The following DPYD variants were observed in gnomAD, a reference collection of about 807,000 sequenced individuals.
DPYD encodes the protein dihydropyrimidine dehydrogenase, also known as dihydropyrimidine dehydrogenase [NADP(+)].
Under a neutral mutation model 116.2 loss-of-function variants are expected in DPYD, and 109 were observed. The observed-to-expected ratio is 0.94, with a 90% CI of 0.80 to 1.10. DPYD has a LOEUF of 1.10. Among genes scored for constraint, DPYD ranks in the 50% least tolerant of loss-of-function variants. The probability of loss-of-function intolerance (pLI) is 0.00; values close to 1 mark genes in which losing one functional copy is unlikely to be tolerated. For missense variants in DPYD, 1,302 were observed against 1,254.5 expected (o/e 1.04, Z -0.57); for synonymous variants, 440 against 432.0 (o/e 1.02, Z -0.23).
At chr1:97,919,276 G>A (rs2101724239) in intron 1 of DPYD, among the ~76,000 whole-genome samples, 1 of 152,316 alleles carries the variant, frequency 6.6e-6, no homozygotes, top group South Asian at 2.1e-4. Flanking sequence ...AGTAATATTA[G>A]GCAAACTGGC....
chr1:97,920,919 C>A lies in DPYD; in HGVS notation c.4G>T (p.Ala2Ser), dbSNP rs1232582100. Residue 2 changes from alanine (A) to serine (S), a missense_variant, in exon 1 of 23, where the codon GCC becomes TCC. Physicochemically the swap from Ala to Ser is moderately conservative, Grantham distance 99. Transcript: ENST00000370192. M[A>S]PVLSKDSADI... The stretch of plus-strand genomic sequence containing the variant: ...GCCGAGTCCTTACTGAGCACAGGGG[C>A]CATGGCAGTGCCTACAGTCTCGAGT... The A allele has an allele frequency of 6.9e-6, 11 of 1,589,544 alleles. No homozygotes were observed. Among genetic ancestry groups the A allele is most frequent in the Non-Finnish European group, 9.4e-6 (11 of 1,168,486 alleles).
intron 20 of DPYD, among the ~76,000 whole-genome samples, chr1:97,184,306 A>G (rs771825205): frequency 5.3e-5 from 8 of 152,060 alleles, no homozygotes; most frequent in Admixed American, 2.6e-4. Context: ...TGGGTAGAAT[A>G]GCAGTTCTTT....
intron 3 of DPYD, among the ~76,000 whole-genome samples, chr1:97,755,896 T>C (rs564216262): frequency 1.7e-4 from 26 of 152,284 alleles, no homozygotes; most frequent in African/African-American, 6.3e-4. Context: ...ATTTGTATTA[T>C]AATCTAGGAA....
In DPYD at chr1:97,155,353, A is replaced by G. The variant is rs142585458; in HGVS notation, c.2622+37716T>C. 7.9e-5 allele frequency among the ~76,000 whole-genome samples: 12 copies of G among 152,282 alleles called. No homozygotes were observed. In the East Asian group the frequency reaches 2.3e-3, roughly 29 times the overall value. On this transcript the variant is annotated intron_variant, in intron 20 of 22. Transcript: ENST00000370192. ...TAGTTCTTTTCATCTATCAAATGTT[A>G]TAACCTGTTGTTCCCTGGATTCTGT...
At chr1:97,736,360 G>A (rs1663940567) in intron 4 of DPYD, among the ~76,000 whole-genome samples, 1 of 151,140 alleles carries the variant, frequency 6.6e-6, no homozygotes, top group Non-Finnish European at 1.5e-5. Flanking sequence ...TAAAAAAAAT[G>A]GAAATAAAAA....
chr1:97,464,273 TAAAATAAAATAAAG>T (rs200743008), intron 13 of DPYD, among the ~76,000 whole-genome samples: 8,820 of 120,868 alleles, frequency 0.073, 327 homozygotes, highest in East Asian at 0.2. Context: ...TAAAATAAAA[TAAAATAAAATAAAG>T]AAAAGAAAAT....
chr1:97,552,481 G>A (rs1461077146), intron 11 of DPYD, among the ~76,000 whole-genome samples: 1 of 151,978 alleles, frequency 6.6e-6, no homozygotes, highest in Admixed American at 6.6e-5. Context: ...AACATCATAA[G>A]CCACCCTAGG....
intron 8 of DPYD, among the ~76,000 whole-genome samples, chr1:97,631,418 T>C (rs553543198): frequency 4.1e-4 from 62 of 152,094 alleles, no homozygotes; most frequent in Admixed American, 1.2e-3. Flanking sequence ...ATCTTGGGCC[T>C]TGCTCTACCT....
chr1:97,780,161 T>C (rs999541667), intron 3 of DPYD, among the ~76,000 whole-genome samples: 2 of 151,764 alleles, frequency 1.3e-5, no homozygotes, highest in Non-Finnish European at 2.9e-5. Flanking sequence ...TACTGTACTT[T>C]TGTAATCACC....
intron 12 of DPYD, among the ~76,000 whole-genome samples, chr1:97,532,892 G>T (rs1649731741): frequency 7.1e-6 from 1 of 141,336 alleles, no homozygotes. Flanking sequence ...CCATCCTTCT[G>T]CTAACTTTGG....
intron 19 of DPYD, among the ~76,000 whole-genome samples, chr1:97,223,178 C>A (rs1660888950): frequency 6.6e-6 from 1 of 151,974 alleles, no homozygotes; most frequent in African/African-American, 2.4e-5. Flanking sequence ...ATTTCCTGAT[C>A]ACATTAAAAA....
At chr1:97,576,489 T>C (rs901157811) in intron 10 of DPYD, among the ~76,000 whole-genome samples, 2 of 152,210 alleles carry the variant, frequency 1.3e-5, no homozygotes, top group Non-Finnish European at 2.9e-5. Context: ...TAATCTCTTA[T>C]ATATTTTGGC....
intron 20 of DPYD, among the ~76,000 whole-genome samples, chr1:97,104,120 C>T (rs1650955147): frequency 6.6e-6 from 1 of 152,068 alleles, no homozygotes; most frequent in Non-Finnish European, 1.5e-5. Context: ...TCATCATTAG[C>T]TTATGTGTCC....
chr1:97,314,722 T>C (rs1033769081), intron 16 of DPYD, among the ~76,000 whole-genome samples: 4 of 151,922 alleles, frequency 2.6e-5, no homozygotes, highest in East Asian at 2.0e-4. Context: ...TTTGTCCCTA[T>C]GGAATCAGAT....
At chr1:97,878,968 A>G (rs768379248) in intron 2 of DPYD, among the ~76,000 whole-genome samples, 1 of 151,948 alleles carries the variant, frequency 6.6e-6, no homozygotes, top group East Asian at 1.9e-4. Flanking sequence ...CAAAACCCAT[A>G]TATTATTTAG....
At chr1:97,810,045 G>C (rs939244575) in intron 3 of DPYD, among the ~76,000 whole-genome samples, 4 of 152,016 alleles carry the variant, frequency 2.6e-5, no homozygotes, top group Non-Finnish European at 4.4e-5. Flanking sequence ...ACAGCACTTT[G>C]GGAGGCCGAC....
At chr1:97,287,497 C>T (rs1665782667) in intron 18 of DPYD, among the ~76,000 whole-genome samples, 2 of 152,154 alleles carry the variant, frequency 1.3e-5, no homozygotes, top group African/African-American at 4.8e-5. Context: ...GAGGTTACTG[C>T]TGTCTTTTTG....
chr1:97,362,490 G>C (rs1218335776), intron 16 of DPYD, among the ~76,000 whole-genome samples: 2 of 152,142 alleles, frequency 1.3e-5, no homozygotes, highest in Admixed American at 1.3e-4. Flanking sequence ...AGCCCACATA[G>C]GTAAGACAAT....
At chr1:97,113,840 G>T (rs889188204) in intron 20 of DPYD, among the ~76,000 whole-genome samples, 1 of 151,982 alleles carries the variant, frequency 6.6e-6, no homozygotes, top group Non-Finnish European at 1.5e-5. Flanking sequence ...TCAGCATCTG[G>T]TAACTTGACG....
Sources: allele counts gnomAD v4.1 joint callset (sites outside exome capture counted in the v4.1 genomes callset), GRCh38; gene constraint gnomAD v4.1.1; transcripts MANE v1.5; gene names NCBI Gene and HGNC (gene_info 2026-07-23, HGNC 2026-07-21).